RNF217: variants seen among roughly 807,000 people sequenced by gnomAD.
RNF217 encodes the protein ring finger protein 217.
RNF217 carries 31 observed loss-of-function variants against 57.8 expected under a neutral mutation model. The observed-to-expected ratio is 0.54, with a 90% confidence interval of 0.40 to 0.72. The LOEUF is 0.72. Among genes scored for constraint, RNF217 ranks in the 30% least tolerant of loss-of-function variants. The probability of loss-of-function intolerance (pLI) is 0.00; values close to 1 mark genes in which losing one functional copy is unlikely to be tolerated. For synonymous variants in RNF217, 313 were observed against 294.0 expected (o/e 1.06, Z -0.66); for missense variants, 696 against 708.3 (o/e 0.98, Z 0.20).
At chr6:124,974,047 T>G (rs1229164778) in intron 1 of RNF217, among the ~76,000 whole-genome samples, 1 of 152,156 alleles carries the variant, frequency 6.6e-6, no homozygotes, top group African/African-American at 2.4e-5. Flanking sequence ...GAGCTTCTTA[T>G]TTGCAGGCTG....
At chr6:125,029,166 T>C (rs921055073) in intron 1 of RNF217, among the ~76,000 whole-genome samples, 1 of 152,210 alleles carries the variant, frequency 6.6e-6, no homozygotes, top group African/African-American at 2.4e-5. Flanking sequence ...GTATATTCTT[T>C]CAGCATGGAA....
chr6:125,003,006 G>T (rs1269454315), intron 1 of RNF217, among the ~76,000 whole-genome samples: 1 of 152,108 alleles, frequency 6.6e-6, no homozygotes, highest in East Asian at 1.9e-4. Flanking sequence ...AAAATTGGCT[G>T]CATATTAAAA....
intron 1 of RNF217, among the ~76,000 whole-genome samples, chr6:124,966,057 G>A (rs573143214): frequency 2.0e-5 from 3 of 152,186 alleles, no homozygotes; most frequent in African/African-American, 7.2e-5. Flanking sequence ...TCTATTCTGA[G>A]CTTCTTGATA....
chr6:125,087,839 T>C lies in RNF217; in HGVS notation c.*4902T>C, dbSNP rs1371625626. The C allele has an allele frequency of 1.3e-5, 2 of 152,076 alleles. No homozygotes were observed. The highest frequency in any genetic ancestry group is 2.4e-5 in the African/African-American group (1 of 41,428). The allele number at this position is 152,076 out of a possible 1,614,324, so 9.4% of individuals were successfully genotyped here. A position where few individuals can be genotyped will look rare whatever the true frequency, so the allele number is the denominator to read the frequency against. On this transcript the variant is annotated 3_prime_UTR_variant, in exon 6 of 6. Transcript: ENST00000521654. The stretch of plus-strand genomic sequence containing the variant: ...TTAAATTAATTTATACTGAAAGTTT[T>C]AACTGCAATTTCATAATTCATGAAT...
intron 1 of RNF217, among the ~76,000 whole-genome samples, chr6:124,990,050 T>C (rs141704947): frequency 1.6e-4 from 25 of 152,294 alleles, no homozygotes; most frequent in African/African-American, 5.5e-4. Context: ...AAGCTTTGCC[T>C]CTACCTCTCC....
intron 1 of RNF217, among the ~76,000 whole-genome samples, chr6:125,038,654 C>G (rs985931843): frequency 1.3e-5 from 2 of 151,764 alleles, no homozygotes; most frequent in Non-Finnish European, 2.9e-5. Context: ...GAATTAATAC[C>G]AACAAATCCC....
rs1222281687 is a variant in RNF217, at chr6:124,962,619, G to A, written c.75G>A (p.Ala25=). The change falls in exon 1 of 6, where the codon GCG becomes GCA. Residue 25 remains alanine, a synonymous_variant. Coordinates refer to ENST00000521654, the MANE Select transcript of RNF217 (RefSeq NM_001286398.3). This position sits in a 1 kb window ranked among gnomAD's most constrained non-coding sequence, Gnocchi z 4.6. The part of the protein sequence containing the change: ...QESQTLASGT[A]GHPEPPRPQG... ...CGCAGACCCTGGCCAGTGGCACTGC[G>A]GGCCACCCTGAGCCCCCGAGGCCTC... 9.1e-6 allele frequency: 12 copies of A among 1,316,450 alleles called. No individual in the cohort carries two copies. The highest frequency in any genetic ancestry group is 9.6e-7 in the Non-Finnish European group (1 of 1,042,476). The allele number at this position is 1,316,450 out of a possible 1,614,324, so 81.5% of individuals were successfully genotyped here. A position where few individuals can be genotyped will look rare whatever the true frequency, so the allele number is the denominator to read the frequency against.
Position 125,082,927 on chromosome 6 carries a change from T to G in RNF217, c.1619T>G (p.Met540Arg), listed in dbSNP as rs771644581. 2 of 1,600,906 alleles carry G rather than the reference T, an allele frequency of 1.2e-6. No individual in the cohort carries two copies. The highest frequency in any genetic ancestry group is 1.7e-6 in the Non-Finnish European group (2 of 1,176,024). Residue 540 changes from methionine to arginine, a missense_variant, in exon 6 of 6, where the codon ATG becomes AGG. Met to Arg is a moderately conservative substitution (Grantham distance 91). Around this residue, in one of 2 missense-constraint regions of RNF217, gnomAD observed 231 missense variants for 321.4 expected, o/e 0.72. Transcript: ENST00000521654. ...KKQRKRSRTG[M>R]HW ...CAGAGAAAACGATCACGGACAGGTATGCACTGGTAACATGCAGATGATTTC... is the reference window on the plus strand; with the variant it reads ...CAGAGAAAACGATCACGGACAGGTAGGCACTGGTAACATGCAGATGATTTC...
intron 1 of RNF217, among the ~76,000 whole-genome samples, chr6:125,024,749 G>T (rs1236607558): frequency 4.0e-5 from 6 of 151,726 alleles, no homozygotes; most frequent in Non-Finnish European, 7.4e-5. Flanking sequence ...AATGAAAGTG[G>T]GCAGTCAGGG....
chr6:125,034,261 G>A (rs1422454989), intron 1 of RNF217, among the ~76,000 whole-genome samples: 1 of 152,128 alleles, frequency 6.6e-6, no homozygotes, highest in Non-Finnish European at 1.5e-5. Flanking sequence ...TAGACATGAA[G>A]TCTTTGCCCA....
At chr6:125,074,014 C>T (rs1196700192) in intron 3 of RNF217, among the ~76,000 whole-genome samples, 1 of 152,070 alleles carries the variant, frequency 6.6e-6, no homozygotes, top group Admixed American at 6.6e-5. Context: ...GAAGTCAAAG[C>T]TCATGTTCTT....
intron 1 of RNF217, among the ~76,000 whole-genome samples, chr6:125,025,279 A>G (rs1477816999): frequency 6.6e-6 from 1 of 152,190 alleles, no homozygotes; most frequent in Non-Finnish European, 1.5e-5. Flanking sequence ...GGACGTGAAC[A>G]CAAGAACATT....
chr6:125,040,226 A>C (rs967085115), intron 1 of RNF217, among the ~76,000 whole-genome samples: 4 of 152,168 alleles, frequency 2.6e-5, no homozygotes, highest in African/African-American at 9.7e-5. Context: ...ATAGAGGAGA[A>C]TCAAATAGAC....
intron 4 of RNF217, among the ~76,000 whole-genome samples, chr6:125,077,848 C>T (rs1788436302): frequency 6.6e-6 from 1 of 152,138 alleles, no homozygotes; most frequent in African/African-American, 2.4e-5. Flanking sequence ...CTCTCCTTAG[C>T]CCTTGGTCAC....
intron 1 of RNF217, among the ~76,000 whole-genome samples, chr6:124,993,134 C>G (rs1784624872): frequency 6.6e-6 from 1 of 152,154 alleles, no homozygotes; most frequent in African/African-American, 2.4e-5. Flanking sequence ...CTTTTGGTCT[C>G]TACTGCTGGC....
At chr6:125,019,760 T>A (rs887971075) in intron 1 of RNF217, among the ~76,000 whole-genome samples, 1 of 148,034 alleles carries the variant, frequency 6.8e-6, no homozygotes, top group Non-Finnish European at 1.5e-5. Flanking sequence ...GCTACATTTC[T>A]CCAACACTGA....
Position 124,962,581 on chromosome 6 carries a change from G to A in RNF217, c.37G>A (p.Gly13Arg). ...GCAGAGCACGGTGAGCGGCGGCGGCGGGCCCCAGGAGTCGCAGACCCTGGC... is the reference window on the plus strand; with the variant it reads ...GCAGAGCACGGTGAGCGGCGGCGGCAGGCCCCAGGAGTCGCAGACCCTGGC... ...EEQSTVSGGG[G>R]PQESQTLASG... Residue 13 changes from glycine (G) to arginine (R), a missense_variant, in exon 1 of 6, where the codon GGG (glycine) becomes AGG (arginine). Physicochemically the swap from Gly to Arg is moderately radical, Grantham distance 125. Transcript: ENST00000521654. The surrounding 1 kb of genome is among the most constrained non-coding windows in gnomAD (Gnocchi z 4.6). 2 of 1,268,582 alleles carry A rather than the reference G, an allele frequency of 1.6e-6. No homozygotes were observed. The highest frequency in any genetic ancestry group is 2.0e-6 in the Non-Finnish European group (2 of 1,011,634). 78.6% of individuals were successfully genotyped at this position (1,268,582 alleles called of 1,614,324 possible). A position where few individuals can be genotyped will look rare whatever the true frequency, so the allele number is the denominator to read the frequency against.
chr6:124,962,741 C>T lies in RNF217; in HGVS notation c.197C>T (p.Ala66Val), dbSNP rs1280563249. 3 of 1,580,212 alleles carry T rather than the reference C, an allele frequency of 1.9e-6. No homozygotes were observed. The highest frequency in any genetic ancestry group is 1.3e-5 in the African/African-American group (1 of 74,294). The change falls in exon 1 of 6, where the codon GCC (alanine) becomes GTC (valine). Residue 66 changes from alanine to valine, a missense_variant. Physicochemically the swap from Ala to Val is moderately conservative, Grantham distance 64. Around this residue, in one of 2 missense-constraint regions of RNF217, gnomAD observed 465 missense variants for 386.8 expected, o/e 1.20. Coordinates refer to ENST00000521654, the MANE Select transcript of RNF217 (RefSeq NM_001286398.3). This position sits in a 1 kb window ranked among gnomAD's most constrained non-coding sequence, Gnocchi z 4.6. ...GSDWGCADTS[A>V]PEPARSLGPP... ...GACTGGGGCTGCGCGGACACCAGCG[C>T]CCCAGAGCCCGCGAGGAGCCTGGGG... is the stretch of plus-strand genomic sequence containing the variant.
intron 1 of RNF217, among the ~76,000 whole-genome samples, chr6:125,008,255 CA>C (rs111356425): frequency 1.0e-3 from 139 of 137,468 alleles, no homozygotes; most frequent in Non-Finnish European, 1.0e-3. Flanking sequence ...GACTCTGTCT[CA>C]AAAAAAAAAA....
Sources: allele counts gnomAD v4.1 joint callset (sites outside exome capture counted in the v4.1 genomes callset), GRCh38; gene constraint gnomAD v4.1.1; regional missense constraint gnomAD v4.1.1; non-coding constraint Gnocchi (gnomAD v3.1); transcripts MANE v1.5; gene names NCBI Gene and HGNC (gene_info 2026-07-23, HGNC 2026-07-21).